EDA: variants seen among roughly 807,000 people sequenced by gnomAD.
The protein encoded by EDA is ectodysplasin A, also known as ectodysplasin-A.
In EDA, 2 loss-of-function variants were observed where a neutral mutation model predicts 23.6. The ratio of observed to expected loss-of-function variants is 0.08; its 90% CI spans 0.03 to 0.27. The LOEUF (loss-of-function observed/expected upper bound fraction) is 0.27, where lower values mean the gene tolerates loss of function less well. EDA is among the 10% of genes least tolerant of loss of function. The pLI is 1.00. For missense variants in EDA, 229 were observed against 324.2 expected (o/e 0.71, Z 2.26); for synonymous variants, 131 against 132.0 (o/e 0.99, Z 0.05).
chrX:69,634,201 A>C (rs1379764912), intron 1 of EDA, among the ~76,000 whole-genome samples: 1 of 112,579 alleles, frequency 8.9e-6, no homozygotes, highest in Non-Finnish European at 1.9e-5. Context: ...AAATTGCATT[A>C]TATGCCTTTT....
At chrX:69,996,199 G>A (rs2019654187) in intron 2 of EDA, among the ~76,000 whole-genome samples, 1 of 112,135 alleles carries the variant, frequency 8.9e-6, no homozygotes, top group South Asian at 3.7e-4. Flanking sequence ...CTTTAGAAAA[G>A]TACATGTAGG....
chrX:69,945,341 T>C (rs2018819193), intron 1 of EDA, among the ~76,000 whole-genome samples: 1 of 111,990 alleles, frequency 8.9e-6, no homozygotes, highest in Non-Finnish European at 1.9e-5. Flanking sequence ...GTTTGGTTAG[T>C]TACCTTGATG....
chrX:69,745,450 C>G (rs2013588789), intron 1 of EDA, among the ~76,000 whole-genome samples: 2 of 111,338 alleles, frequency 1.8e-5, no homozygotes, highest in African/African-American at 6.5e-5. Flanking sequence ...TCCTGCCTCC[C>G]ATTAACCTTT....
chrX:70,038,431 T>C lies in EDA; in HGVS notation c.*2822T>C, dbSNP rs1407869048. On this transcript the variant is annotated 3_prime_UTR_variant, in exon 8 of 8. Coordinates refer to ENST00000374552, the MANE Select transcript of EDA (RefSeq NM_001399.5). ...TGTGCAGTTTGGAATTATGTTGGTG[T>C]GAATTTGCCAGAGGACCAATGCTTG... The C allele has an allele frequency of 9.0e-6, 1 of 110,673 alleles. No individual in the cohort carries two copies. The highest frequency in any genetic ancestry group is 3.3e-5 in the African/African-American group (1 of 30,375). The allele number at this position is 110,673 out of a possible 1,213,427, so 9.1% of individuals were successfully genotyped here. A position where few individuals can be genotyped will look rare whatever the true frequency, so the allele number is the denominator to read the frequency against.
intron 7 of EDA, 29 bp from the exon 8 acceptor site, chrX:70,035,329 C>T: frequency 8.3e-7 from 1 of 1,204,436 alleles, no homozygotes; most frequent in African/African-American, 1.7e-5. Context: ...CCTCTCTTCC[C>T]CAATCCCTTC....
chrX:69,820,849 G>T (rs1220856935), intron 1 of EDA, among the ~76,000 whole-genome samples: 1 of 111,424 alleles, frequency 9.0e-6, no homozygotes, highest in Non-Finnish European at 1.9e-5. Context: ...AGACCTAGAG[G>T]CAGAAATACT....
intron 2 of EDA, among the ~76,000 whole-genome samples, chrX:69,977,768 A>G (rs149328316): frequency 0.019 from 2,123 of 111,865 alleles, 48 homozygotes; most frequent in African/African-American, 0.066. Flanking sequence ...ACAGAACAGT[A>G]TATTAGACAG....
At chrX:69,647,949 G>A (rs753047155) in intron 1 of EDA, among the ~76,000 whole-genome samples, 4 of 111,507 alleles carry the variant, frequency 3.6e-5, no homozygotes, top group African/African-American at 9.8e-5. Flanking sequence ...CTGTACCGTA[G>A]GACTGCTGTG....
At chrX:69,709,986 A>G (rs888159499) in intron 1 of EDA, among the ~76,000 whole-genome samples, 2 of 111,540 alleles carry the variant, frequency 1.8e-5, no homozygotes, top group Non-Finnish European at 1.9e-5. Flanking sequence ...GCTGTGCAGA[A>G]GCTCTTGAGT....
In EDA at chrX:69,616,698, G is replaced by A; in HGVS notation, c.390G>A (p.Gly130=). 8.3e-7 allele frequency: 1 copy of A among 1,211,823 alleles called. No homozygotes were observed. Among genetic ancestry groups the A allele is most frequent in the Non-Finnish European group, 1.1e-6 (1 of 895,454 alleles). Reference sequence around the variant, plus strand: ...CACTCCACTCTGACTCCCAGGACGGGCACCAGGTGAGTCACCTAGTAGGGG... The same window carrying A: ...CACTCCACTCTGACTCCCAGGACGGACACCAGGTGAGTCACCTAGTAGGGG... ...EAALHSDSQD[G]HQMALLNFFF... The change falls in exon 1 of 8, where the codon GGG becomes GGA. Residue 130 remains glycine (G), a synonymous_variant. Transcript: ENST00000374552.
chrX:69,689,059 T>C (rs1934627701), intron 1 of EDA, among the ~76,000 whole-genome samples: 1 of 111,585 alleles, frequency 9.0e-6, no homozygotes, highest in Non-Finnish European at 1.9e-5. Context: ...CAATTGATTG[T>C]AAACGTAAGC....
intron 1 of EDA, among the ~76,000 whole-genome samples, chrX:69,837,755 A>G (rs1339223975): frequency 2.7e-5 from 3 of 112,303 alleles, no homozygotes. Context: ...AATTGGTGGC[A>G]TATGAGGAAT....
chrX:69,803,160 G>A (rs965618365), intron 1 of EDA, among the ~76,000 whole-genome samples: 1 of 111,311 alleles, frequency 9.0e-6, no homozygotes, highest in Non-Finnish European at 1.9e-5. Context: ...CAACCCTTCT[G>A]TGAATATTCT....
chrX:69,837,061 G>A (rs1271576446), intron 1 of EDA, among the ~76,000 whole-genome samples: 2 of 111,146 alleles, frequency 1.8e-5, no homozygotes, highest in Non-Finnish European at 3.8e-5. Flanking sequence ...TGGGTATATG[G>A]TAGCCATATA....
chrX:69,641,275 ATTTGCAGTGGCAAAT>A (rs1256273397), intron 1 of EDA, among the ~76,000 whole-genome samples: 1 of 112,156 alleles, frequency 8.9e-6, no homozygotes, highest in East Asian at 2.8e-4. Flanking sequence ...CATTTTTATA[ATTTGCAGTGGCAAAT>A]TATAAAACGC....
intron 1 of EDA, among the ~76,000 whole-genome samples, chrX:69,764,084 G>A (rs1007666000): frequency 9.2e-6 from 1 of 108,985 alleles, no homozygotes; most frequent in Non-Finnish European, 1.9e-5. Flanking sequence ...GGGATAATTA[G>A]ATTAGAACAA....
chrX:69,866,730 A>C (rs1008547181), intron 1 of EDA, among the ~76,000 whole-genome samples: 1 of 111,927 alleles, frequency 8.9e-6, no homozygotes, highest in Non-Finnish European at 1.9e-5. Flanking sequence ...TCGTGACTTC[A>C]AAAGGCCATT....
chrX:69,664,321 TAGTA>T (rs992477336), intron 1 of EDA, among the ~76,000 whole-genome samples: 14 of 111,354 alleles, frequency 1.3e-4, no homozygotes, highest in Non-Finnish European at 1.7e-4. Flanking sequence ...GTTCTCTTGA[TAGTA>T]AGTGAGTTTT....
intron 4 of EDA, among the ~76,000 whole-genome samples, chrX:70,028,928 C>T (rs1223159573): frequency 8.9e-6 from 1 of 112,608 alleles, no homozygotes; most frequent in African/African-American, 3.2e-5. Flanking sequence ...GATTCTTTAA[C>T]TTGTACTTCA....
Sources: allele counts gnomAD v4.1 joint callset (sites outside exome capture counted in the v4.1 genomes callset), GRCh38; gene constraint gnomAD v4.1.1; transcripts MANE v1.5; gene names NCBI Gene and HGNC (gene_info 2026-07-23, HGNC 2026-07-21).